PHF21B: variants seen among roughly 807,000 people sequenced by gnomAD.
PHF21B encodes the protein PHD finger protein 4.
Under a neutral mutation model 62.2 loss-of-function variants are expected in PHF21B, and 22 were observed. The ratio of observed to expected loss-of-function variants is 0.35; its 90% confidence interval spans 0.25 to 0.51. The LOEUF is 0.51. Ranked by LOEUF, PHF21B falls within the 20% of genes least tolerant of loss-of-function variation. The probability of loss-of-function intolerance (pLI) is 0.97; values close to 1 mark genes in which losing one functional copy is unlikely to be tolerated. For synonymous variants in PHF21B, 341 were observed against 314.7 expected, an observed-to-expected ratio of 1.08 and a Z score of -0.88; for missense variants, 701 against 707.9, an observed-to-expected ratio of 0.99 and a Z score of 0.11.
At chr22:44,916,249 C>T in intron 4 of PHF21B, 31 bp downstream of exon 4, 2 of 1,595,966 alleles carry the variant, frequency 1.3e-6, no homozygotes, top group Non-Finnish European at 1.7e-6. Context: ...CGGCCGCACA[C>T]CCTTTCCGGA....
chr22:44,946,656 G>A (rs539483685), intron 2 of PHF21B, among the ~76,000 whole-genome samples: 30 of 152,226 alleles, frequency 2.0e-4, no homozygotes, highest in African/African-American at 7.2e-4. Flanking sequence ...GATGGACGGT[G>A]CGTGGGTAGA....
At position 45,009,746 on chromosome 22, in the gene PHF21B, C is replaced by CCG; in HGVS notation, c.-198_-197insCG. On this transcript the variant is annotated 5_prime_UTR_variant, in exon 1 of 13. Coordinates refer to ENST00000313237, the MANE Select transcript of PHF21B (RefSeq NM_138415.5). The surrounding 1 kb of genome is among the most constrained non-coding windows in gnomAD (Gnocchi z 5.9). ...GACAGGCTTCCGGGCGCCGCGGCGC[C>CCG]GAGCCCTCGGCTGCCCCAACTCCTC... The CCG allele has an allele frequency of 2.2e-6, 1 of 462,610 alleles. No individual in the cohort carries two copies. The highest frequency in any genetic ancestry group is 3.7e-6 in the Non-Finnish European group (1 of 267,500). 28.7% of individuals were successfully genotyped at this position (462,610 alleles called of 1,614,324 possible).
At chr22:44,962,901 C>T (rs1411063781) in intron 2 of PHF21B, among the ~76,000 whole-genome samples, 1 of 152,156 alleles carries the variant, frequency 6.6e-6, no homozygotes, top group Admixed American at 6.5e-5. Context: ...AGGAATAGAG[C>T]CACGCAGTAC....
At chr22:44,905,376 A>G (rs1382793949) in intron 5 of PHF21B, among the ~76,000 whole-genome samples, 1 of 152,146 alleles carries the variant, frequency 6.6e-6, no homozygotes, top group Non-Finnish European at 1.5e-5. Flanking sequence ...TCGAATTTTT[A>G]TGTTCATCTA....
At chr22:44,935,973 T>G (rs10483224) in intron 2 of PHF21B, among the ~76,000 whole-genome samples, 13,852 of 152,316 alleles carry the variant, frequency 0.091, 696 homozygotes, top group South Asian at 0.12. Flanking sequence ...ACACACCACA[T>G]TCTGTTCTCT....
chr22:45,003,387 A>T (rs576328853), intron 2 of PHF21B: 3 of 152,308 alleles, frequency 2.0e-5, no homozygotes, highest in Non-Finnish European at 4.4e-5. Context: ...AGGTGTCTGC[A>T]GCTGCCCCTC....
Position 44,962,817 on chromosome 22 carries a change from G to A in PHF21B, c.121-42327C>T, listed in dbSNP as rs73422592. ...GGAGGCTGGGGCAGGGTGGGGGCGT[G>A]CTTTACTTGCGATGTGGCCAGAAGA... On this transcript the variant is annotated intron_variant, in intron 2 of 12. Coordinates refer to ENST00000313237, the MANE Select transcript of PHF21B (RefSeq NM_138415.5). Among the ~76,000 whole-genome samples the A allele has an allele frequency of 5.8e-3, 890 of 152,244 alleles. 11 individuals are homozygous for A. Among genetic ancestry groups the A allele is most frequent in the African/African-American group, 0.021 (855 of 41,560 alleles).
chr22:44,933,495 C>T, intron 2 of PHF21B: 1 of 985,498 alleles, frequency 1.0e-6, no homozygotes, highest in Non-Finnish European at 1.2e-6. Flanking sequence ...CCCTTGTGCA[C>T]AGATGAGAGG....
chr22:44,898,651 TA>T (rs1422389795), intron 5 of PHF21B, among the ~76,000 whole-genome samples: 2 of 152,264 alleles, frequency 1.3e-5, no homozygotes, highest in African/African-American at 4.8e-5. Context: ...TTTTAATTTT[TA>T]AAATTTTAAA....
intron 3 of PHF21B, among the ~76,000 whole-genome samples, chr22:44,920,022 C>T (rs1043937635): frequency 1.3e-5 from 2 of 151,612 alleles, no homozygotes; most frequent in Non-Finnish European, 3.0e-5. Context: ...CTCAAACTTC[C>T]TGACCATAAC....
intron 2 of PHF21B, among the ~76,000 whole-genome samples, chr22:44,927,166 A>G (rs1236617349): frequency 3.9e-5 from 6 of 151,900 alleles, no homozygotes. Context: ...TGACAGGAAG[A>G]GCTATTTCCA....
chr22:44,913,786 A>G (rs1350177445), intron 5 of PHF21B, 36 bp downstream of exon 5: 1 of 1,590,916 alleles, frequency 6.3e-7, no homozygotes, highest in Non-Finnish European at 8.6e-7. Flanking sequence ...CTGCAGACTG[A>G]GCAGGGCCTG....
At chr22:44,993,071 A>C (rs1370225977) in intron 2 of PHF21B, among the ~76,000 whole-genome samples, 1 of 152,184 alleles carries the variant, frequency 6.6e-6, no homozygotes, top group African/African-American at 2.4e-5. Context: ...GCCAGGGAAC[A>C]CAAGGCATCA....
intron 5 of PHF21B, among the ~76,000 whole-genome samples, chr22:44,909,376 C>T (rs555237057): frequency 1.3e-5 from 2 of 152,292 alleles, no homozygotes; most frequent in African/African-American, 4.8e-5. Context: ...GGCTGCCAGC[C>T]GAGCCAGGGC....
At chr22:44,995,178 C>T (rs978214501) in intron 2 of PHF21B, among the ~76,000 whole-genome samples, 7 of 152,128 alleles carry the variant, frequency 4.6e-5, no homozygotes, top group African/African-American at 1.7e-4. Flanking sequence ...TCCAGCTGCA[C>T]CAGGATGTAA....
intron 2 of PHF21B, among the ~76,000 whole-genome samples, chr22:44,929,918 G>A (rs924194693): frequency 3.3e-5 from 5 of 152,216 alleles, no homozygotes; most frequent in Non-Finnish European, 7.3e-5. Context: ...GCGAGCCCAG[G>A]CCTGCAGTTC....
In PHF21B at chr22:45,009,363, G is replaced by GC; in HGVS notation, c.54+132dup. 3 of 928,354 alleles carry GC rather than the reference G, an allele frequency of 3.2e-6. No individual in the cohort carries two copies. Among genetic ancestry groups the GC allele is most frequent in the Non-Finnish European group, 3.1e-6 (2 of 646,548 alleles). The allele number at this position is 928,354 out of a possible 1,614,324, so 57.5% of individuals were successfully genotyped here. A position where few individuals can be genotyped will look rare whatever the true frequency, so the allele number is the denominator to read the frequency against. ...GGTCCGCGCGTGTGCTCACTCCCTC[G>GC]CCCCCCGCCCCCGGGCAGGCTCCAG... On this transcript the variant is annotated intron_variant, in intron 1 of 12. Coordinates refer to ENST00000313237, the MANE Select transcript of PHF21B (RefSeq NM_138415.5). This position sits in a 1 kb window ranked among gnomAD's most constrained non-coding sequence, Gnocchi z 5.9.
chr22:44,940,714 G>T (rs980492920), intron 2 of PHF21B, among the ~76,000 whole-genome samples: 4 of 152,198 alleles, frequency 2.6e-5, no homozygotes, highest in African/African-American at 9.6e-5. Context: ...AAGGCGAAGG[G>T]GCCGAAGGAA....
rs574166360 is a variant in PHF21B at position 44,984,674 on chromosome 22, C to T, written c.120+23871G>A. 2.0e-3 allele frequency among the ~76,000 whole-genome samples: 305 copies of T among 152,304 alleles called. 2 individuals are homozygous for T. Among genetic ancestry groups the T allele is most frequent in the South Asian group, 3.9e-3 (19 of 4,830 alleles). On this transcript the variant is annotated intron_variant, in intron 2 of 12. Transcript: ENST00000313237. ...CATGCTTATTTGTATTTCAATCCTGCTCTGTAAGTTATTAATTTAATTTGT... is the reference window on the plus strand; with the variant it reads ...CATGCTTATTTGTATTTCAATCCTGTTCTGTAAGTTATTAATTTAATTTGT...
Sources: gnomAD v4.1 joint callset for allele counts (sites outside exome capture counted in the v4.1 genomes callset) on GRCh38, gnomAD v4.1.1 for gene constraint, Gnocchi (gnomAD v3.1) non-coding constraint, MANE v1.5 for transcripts, NCBI Gene and HGNC (gene_info 2026-07-23, HGNC 2026-07-21) for gene names.